The following XKR4 variants were observed in gnomAD, a reference collection of about 807,000 sequenced individuals.
The protein encoded by XKR4 is XK-related protein 4.
XKR4 carries 12 observed loss-of-function variants against 53.9 expected under a neutral mutation model. That is an observed-to-expected ratio of 0.22 (90% CI 0.14 to 0.36). XKR4 has a LOEUF of 0.36. Among genes scored for constraint, XKR4 ranks in the 10% least tolerant of loss-of-function variants. The pLI, the probability that XKR4 is intolerant of heterozygous loss-of-function variation, is 1.00. For synonymous variants in XKR4, 354 were observed against 362.4 expected (o/e 0.98, Z 0.26); for missense variants, 799 against 859.5 (o/e 0.93, Z 0.88).
chr8:55,286,746 A>C (rs964810196), intron 1 of XKR4, among the ~76,000 whole-genome samples: 1 of 152,202 alleles, frequency 6.6e-6, no homozygotes, highest in Non-Finnish European at 1.5e-5. Flanking sequence ...ATAGCTTTTA[A>C]GTTCATTCCT....
intron 2 of XKR4, among the ~76,000 whole-genome samples, chr8:55,487,462 GCTTT>G (rs1806210084): frequency 7.7e-6 from 1 of 130,324 alleles, no homozygotes; most frequent in Non-Finnish European, 1.7e-5. Context: ...TTCTAGACAT[GCTTT>G]CTTTTTTTTT....
chr8:55,175,196 A>G lies in XKR4; in HGVS notation c.806+71902A>G, dbSNP rs75196668. 7.0e-3 allele frequency among the ~76,000 whole-genome samples: 1,068 copies of G among 152,318 alleles called. 13 individuals are homozygous for G. The highest frequency in any genetic ancestry group is 0.024 in the African/African-American group (1,007 of 41,578). On this transcript the variant is annotated intron_variant, in intron 1 of 2. Transcript: ENST00000327381. Reference sequence around the variant, plus strand: ...CTCAGGGAATATTGTGCCACTGTGAATAAGTAGAGATTTAGAACCAAAGTT... The same window carrying G: ...CTCAGGGAATATTGTGCCACTGTGAGTAAGTAGAGATTTAGAACCAAAGTT...
At chr8:55,154,187 G>C (rs992623056) in intron 1 of XKR4, among the ~76,000 whole-genome samples, 1 of 152,040 alleles carries the variant, frequency 6.6e-6, no homozygotes, top group East Asian at 1.9e-4. Context: ...ATCTGTTTTC[G>C]GAATCTGTTA....
intron 1 of XKR4, among the ~76,000 whole-genome samples, chr8:55,331,378 T>C (rs1803382301): frequency 6.6e-6 from 1 of 152,218 alleles, no homozygotes; most frequent in Non-Finnish European, 1.5e-5. Context: ...TAACATATGG[T>C]CTGTTCTAGA....
intron 2 of XKR4, among the ~76,000 whole-genome samples, chr8:55,361,990 CT>C (rs1398508018): frequency 6.6e-6 from 1 of 152,170 alleles, no homozygotes; most frequent in African/African-American, 2.4e-5. Flanking sequence ...ACTTCAGCCC[CT>C]GATCTCAGGC....
intron 1 of XKR4, among the ~76,000 whole-genome samples, chr8:55,246,069 T>C (rs1302705705): frequency 6.6e-6 from 1 of 152,234 alleles, no homozygotes; most frequent in Non-Finnish European, 1.5e-5. Flanking sequence ...GTCACTGAAC[T>C]ATAGCCTGGG....
chr8:55,318,292 G>T (rs1391728297), intron 1 of XKR4, among the ~76,000 whole-genome samples: 1 of 152,192 alleles, frequency 6.6e-6, no homozygotes, highest in African/African-American at 2.4e-5. Context: ...GAAGTCAAAA[G>T]TAGCATTATA....
chr8:55,258,643 C>A (rs1414178635), intron 1 of XKR4, among the ~76,000 whole-genome samples: 1 of 152,128 alleles, frequency 6.6e-6, no homozygotes, highest in African/African-American at 2.4e-5. Flanking sequence ...CCATACTGAG[C>A]AATCATTATT....
intron 2 of XKR4, among the ~76,000 whole-genome samples, chr8:55,501,261 A>G (rs1247850610): frequency 6.6e-6 from 1 of 152,240 alleles, no homozygotes; most frequent in Non-Finnish European, 1.5e-5. Context: ...TTTTTATTGT[A>G]GTAAAATACA....
At chr8:55,262,428 A>T (rs145088818) in intron 1 of XKR4, among the ~76,000 whole-genome samples, 1 of 152,130 alleles carries the variant, frequency 6.6e-6, no homozygotes, top group South Asian at 2.1e-4. Flanking sequence ...CCTTACCCCC[A>T]TTGTGATGGA....
chr8:55,153,623 A>G (rs995483611), intron 1 of XKR4, among the ~76,000 whole-genome samples: 1 of 152,224 alleles, frequency 6.6e-6, no homozygotes, highest in Non-Finnish European at 1.5e-5. Context: ...AATATGCCTT[A>G]AGAGTTCCAA....
intron 1 of XKR4, among the ~76,000 whole-genome samples, chr8:55,253,949 G>A (rs1250577683): frequency 2.6e-5 from 4 of 151,882 alleles, no homozygotes; most frequent in African/African-American, 4.8e-5. Flanking sequence ...TCAAACTCCT[G>A]AGTGTAAGCG....
chr8:55,412,972 T>C (rs538922926), intron 2 of XKR4, among the ~76,000 whole-genome samples: 1 of 152,358 alleles, frequency 6.6e-6, no homozygotes. Context: ...ACGATCCTCA[T>C]GTTTAAGTCA....
chr8:55,373,217 A>ATCCC (rs1804098607), intron 2 of XKR4, among the ~76,000 whole-genome samples: 1 of 152,154 alleles, frequency 6.6e-6, no homozygotes, highest in South Asian at 2.1e-4. Flanking sequence ...TCTAGTCGGG[A>ATCCC]GTACAGTGGC....
intron 2 of XKR4, among the ~76,000 whole-genome samples, chr8:55,489,220 A>G (rs1488589020): frequency 6.6e-6 from 1 of 152,220 alleles, no homozygotes; most frequent in Admixed American, 6.5e-5. Flanking sequence ...TAATTAATGC[A>G]AGATGTTAAT....
At position 55,478,680 on chromosome 8, in the gene XKR4, G is replaced by T. The variant is rs1188177261; in HGVS notation, c.1007-44601G>T. ...ATCTCATGTGCAGAGACACACATAGGCTCAAAATAAAAGGATGGAGGAAGA... is the reference window on the plus strand; with the variant it reads ...ATCTCATGTGCAGAGACACACATAGTCTCAAAATAAAAGGATGGAGGAAGA... On this transcript the variant is annotated intron_variant, in intron 2 of 2. Transcript: ENST00000327381. Among the ~76,000 whole-genome samples, 7 of 152,170 alleles carry T rather than the reference G, an allele frequency of 4.6e-5. 1 individual carries two copies. In the East Asian group the frequency reaches 1.4e-3, roughly 29 times the overall value.
At chr8:55,340,051 A>T (rs1345186619) in intron 1 of XKR4, among the ~76,000 whole-genome samples, 1 of 152,226 alleles carries the variant, frequency 6.6e-6, no homozygotes, top group Admixed American at 6.5e-5. Context: ...ATCCTAAAAG[A>T]ATACGTGTAC....
chr8:55,483,954 CAAAG>C (rs1323047159), intron 2 of XKR4, among the ~76,000 whole-genome samples: 4 of 151,836 alleles, frequency 2.6e-5, no homozygotes, highest in Non-Finnish European at 5.9e-5. Context: ...ACGAGACTGA[CAAAG>C]AAAAAGGAGA....
intron 2 of XKR4, among the ~76,000 whole-genome samples, chr8:55,362,486 G>A (rs1235765312): frequency 6.6e-6 from 1 of 152,150 alleles, no homozygotes; most frequent in East Asian, 1.9e-4. Context: ...CACTTAGGGG[G>A]AGAGCATTTT....
Sources: allele counts gnomAD v4.1 joint callset (sites outside exome capture counted in the v4.1 genomes callset), GRCh38; gene constraint gnomAD v4.1.1; transcripts MANE v1.5; gene names NCBI Gene and HGNC (gene_info 2026-07-23, HGNC 2026-07-21).